SLC25A26: variants seen among roughly 807,000 people sequenced by gnomAD.
SLC25A26 encodes the protein solute carrier family 25 member 26, also known as mitochondrial S-adenosylmethionine carrier protein.
A neutral mutation model predicts 37.8 loss-of-function variants in SLC25A26; 36 were observed. That is an observed-to-expected ratio of 0.95 (90% CI 0.73 to 1.26). The LOEUF (loss-of-function observed/expected upper bound fraction) is 1.26. Ranked by LOEUF, SLC25A26 falls within the 50% of genes most tolerant of loss-of-function variation. The pLI, the probability that SLC25A26 is intolerant of heterozygous loss-of-function variation, is 0.00. For missense variants in SLC25A26, 390 were observed against 331.1 expected (o/e 1.18, Z -1.38); for synonymous variants, 129 against 122.5 (o/e 1.05, Z -0.35).
chr3:66,191,913 T>TAA (rs1318651115), intron 1 of SLC25A26, among the ~76,000 whole-genome samples: 286 of 139,720 alleles, frequency 2.0e-3, no homozygotes, highest in African/African-American at 6.9e-3. Flanking sequence ...TCTCAAATAA[T>TAA]AAAAAAAAAA....
intron 1 of SLC25A26, among the ~76,000 whole-genome samples, chr3:66,195,570 G>A (rs2071031988): frequency 1.3e-5 from 2 of 152,240 alleles, no homozygotes; most frequent in Admixed American, 6.5e-5. Context: ...CGCTTGCGCC[G>A]GGCAGGCCCT....
chr3:66,362,246 A>T (rs1216386834), intron 6 of SLC25A26, among the ~76,000 whole-genome samples: 2 of 152,238 alleles, frequency 1.3e-5, no homozygotes, highest in African/African-American at 4.8e-5. Context: ...ACAAATGTTC[A>T]TGGTGGCTTT....
chr3:66,356,744 T>A (rs2076585605), intron 6 of SLC25A26, among the ~76,000 whole-genome samples: 1 of 152,178 alleles, frequency 6.6e-6, no homozygotes, highest in Non-Finnish European at 1.5e-5. Flanking sequence ...TCCTGCTGCC[T>A]CAGCCTCCCT....
intron 1 of SLC25A26, among the ~76,000 whole-genome samples, chr3:66,163,855 G>C (rs1229806337): frequency 6.6e-6 from 1 of 152,132 alleles, no homozygotes; most frequent in Non-Finnish European, 1.5e-5. Flanking sequence ...TCTCACCTGG[G>C]GATGATTTTG....
chr3:66,344,640 G>A (rs2076279362), intron 5 of SLC25A26, among the ~76,000 whole-genome samples: 1 of 152,216 alleles, frequency 6.6e-6, no homozygotes, highest in South Asian at 2.1e-4. Flanking sequence ...CTGGGCCCGT[G>A]GCGTGTGCGT....
intron 1 of SLC25A26, among the ~76,000 whole-genome samples, chr3:66,214,877 C>G (rs1312455059): frequency 6.6e-6 from 1 of 152,078 alleles, no homozygotes; most frequent in Non-Finnish European, 1.5e-5. Context: ...CCTGTAATCC[C>G]AGCACTTTGG....
At chr3:66,304,039 A>C (rs951327597) in intron 5 of SLC25A26, among the ~76,000 whole-genome samples, 6 of 152,202 alleles carry the variant, frequency 3.9e-5, no homozygotes, top group African/African-American at 9.7e-5. Flanking sequence ...CAGCAGGAGA[A>C]TCTCTCACAC....
chr3:66,175,140 TAC>T (rs1227038410), intron 1 of SLC25A26, among the ~76,000 whole-genome samples: 1,920 of 66,754 alleles, frequency 0.029, 84 homozygotes, highest in Admixed American at 0.12. Context: ...TATATATATA[TAC>T]ACACACACAC....
upstream of SLC25A26, among the ~76,000 whole-genome samples, chr3:66,217,592 A>G (rs1479996471): frequency 6.6e-6 from 1 of 151,610 alleles, no homozygotes; most frequent in Non-Finnish European, 1.5e-5. Context: ...CTTGTCACCC[A>G]GGCTGGAGTG....
intron 5 of SLC25A26, among the ~76,000 whole-genome samples, chr3:66,284,240 T>C (rs1321543096): frequency 6.6e-6 from 1 of 152,080 alleles, no homozygotes; most frequent in African/African-American, 2.4e-5. Context: ...TCCCATTTAC[T>C]TGGGAGGCTG....
chr3:66,373,121 G>A (rs1700442325), intron 9 of SLC25A26, among the ~76,000 whole-genome samples: 1 of 152,150 alleles, frequency 6.6e-6, no homozygotes, highest in Non-Finnish European at 1.5e-5. Context: ...TGCCCACCCC[G>A]GATGGCCCCT....
At chr3:66,248,691 C>T (rs560993829) in intron 3 of SLC25A26, among the ~76,000 whole-genome samples, 31 of 152,168 alleles carry the variant, frequency 2.0e-4, no homozygotes, top group Non-Finnish European at 3.8e-4. Context: ...GTAGAGTGTC[C>T]TTTTCAAGTG....
intron 2 of SLC25A26, among the ~76,000 whole-genome samples, chr3:66,239,548 T>A (rs560437955): frequency 6.6e-6 from 1 of 152,308 alleles, no homozygotes; most frequent in Non-Finnish European, 1.5e-5. Context: ...AGCCAAATCT[T>A]TTTCTAAAAT....
upstream of SLC25A26, among the ~76,000 whole-genome samples, chr3:66,217,927 GACT>G (rs2071385960): frequency 6.6e-6 from 1 of 152,126 alleles, no homozygotes; most frequent in African/African-American, 2.4e-5. Flanking sequence ...ACACCCATGC[GACT>G]ACTACCACAA....
chr3:66,334,770 A>T (rs2076057228), intron 5 of SLC25A26, among the ~76,000 whole-genome samples: 1 of 152,106 alleles, frequency 6.6e-6, no homozygotes, highest in African/African-American at 2.4e-5. Flanking sequence ...CTTTGAGGGC[A>T]GCCATAGCTA....
chr3:66,300,250 T>TG (rs1391992196), intron 5 of SLC25A26, among the ~76,000 whole-genome samples: 6,068 of 142,752 alleles, frequency 0.043, 179 homozygotes, highest in South Asian at 0.067. Flanking sequence ...AGGGTTTTTT[T>TG]GTTTTGTTTT....
chr3:66,282,758 T>A (rs2074388607), intron 5 of SLC25A26, among the ~76,000 whole-genome samples: 1 of 152,228 alleles, frequency 6.6e-6, no homozygotes, highest in Non-Finnish European at 1.5e-5. Context: ...GAATTCAGCG[T>A]ACGTATAGAT....
At chr3:66,208,711 T>C (rs2071215575) in intron 1 of SLC25A26, among the ~76,000 whole-genome samples, 1 of 135,788 alleles carries the variant, frequency 7.4e-6, no homozygotes, top group African/African-American at 2.9e-5. Flanking sequence ...TATACACATT[T>C]ATATGGGTAT....
At chr3:66,369,645 G>A in intron 8 of SLC25A26, 103 bp downstream of exon 8, 5 of 986,106 alleles carry the variant, frequency 5.1e-6, no homozygotes, top group Non-Finnish European at 7.7e-6. Context: ...CCATTTACCT[G>A]TAATAGCATC....
Sources: allele counts gnomAD v4.1 joint callset (sites outside exome capture counted in the v4.1 genomes callset), GRCh38; gene constraint gnomAD v4.1.1; transcripts MANE v1.5; gene names NCBI Gene and HGNC (gene_info 2026-07-23, HGNC 2026-07-21).